The following GATA6 variants were observed in gnomAD, a reference collection of about 807,000 sequenced individuals.
The protein encoded by GATA6 is transcription factor GATA-6.
GATA6 carries 11 observed loss-of-function variants against 48.1 expected under a neutral mutation model. The ratio of observed to expected loss-of-function variants is 0.23; its 90% CI spans 0.14 to 0.38. GATA6 has a LOEUF of 0.38. GATA6 is among the 10% of genes least tolerant of loss of function. The pLI is 1.00. For synonymous variants in GATA6, 419 were observed against 396.1 expected, an observed-to-expected ratio of 1.06 and a Z score of -0.69; for missense variants, 795 against 850.3, an observed-to-expected ratio of 0.93 and a Z score of 0.81.
At chr18:22,176,727 C>G (rs757833552) in intron 2 of GATA6, 10 of 519,058 alleles carry the variant, frequency 1.9e-5, no homozygotes, top group Non-Finnish European at 3.0e-5. Flanking sequence ...CCCGGAGTCT[C>G]TACTGGGGCG....
rs1458044927 is a variant in GATA6, at chr18:22,171,788, ACGCGGGCGG to A, written c.653_661del (p.Gly218_Gly220del). 1.5e-6 allele frequency: 2 copies of A among 1,316,692 alleles called. No individual in the cohort carries two copies. Among genetic ancestry groups the A allele is most frequent in the East Asian group, 6.4e-5 (2 of 31,366 alleles). 81.6% of individuals were successfully genotyped at this position (1,316,692 alleles called of 1,614,324 possible). On this transcript the variant is annotated inframe_deletion, in exon 2 of 7. Transcript: ENST00000269216. This position sits in a 1 kb window ranked among gnomAD's most constrained non-coding sequence, Gnocchi z 7.1. Reference sequence around the variant, plus strand: ...GGGTCGGGCAGTGGGCCAGCCAACCACGCGGGCGGCGCGGGCGCGCACCCCGGCTGGCCT... The same window carrying A: ...GGGTCGGGCAGTGGGCCAGCCAACCACGCGGGCGCGCACCCCGGCTGGCCT...
intron 6 of GATA6, among the ~76,000 whole-genome samples, chr18:22,190,393 A>G (rs993914488): frequency 2.0e-5 from 3 of 152,234 alleles, no homozygotes; most frequent in African/African-American, 7.2e-5. Context: ...TGCGATTTAA[A>G]TCCATACACA....
intron 6 of GATA6, among the ~76,000 whole-genome samples, chr18:22,198,544 G>A (rs1403155028): frequency 1.3e-5 from 2 of 152,238 alleles, no homozygotes; most frequent in African/African-American, 2.4e-5. Flanking sequence ...ATATGCTGAT[G>A]TGCCTGTTTT....
At position 22,171,304 on chromosome 18, in the gene GATA6, C is replaced by G. The variant is rs769197296; in HGVS notation, c.160C>G (p.Pro54Ala). Reference protein sequence around the residue: ...SSCSRGGERGPGGASNCGTPQ... With the variant: ...SSCSRGGERGAGGASNCGTPQ... ...CTGCTCCCGGGGCGGAGAGCGGGGC[C>G]CCGGCGGCGCCAGCAACTGCGGGAC... is the stretch of plus-strand genomic sequence containing the variant. The change falls in exon 2 of 7, where the codon CCC becomes GCC. Residue 54 changes from proline to alanine, a missense_variant. By Grantham distance (27) the Pro-to-Ala change is conservative (BLOSUM62 -1). This residue lies in a region of GATA6 where 591 missense variants were observed against 570.0 expected (regional missense o/e 1.04). Coordinates refer to ENST00000269216, the MANE Select transcript of GATA6 (RefSeq NM_005257.6). The surrounding 1 kb of genome is among the most constrained non-coding windows in gnomAD (Gnocchi z 7.1). The G allele has an allele frequency of 1.3e-5, 20 of 1,590,870 alleles. No homozygotes were observed. In the East Asian group the frequency reaches 4.5e-4, roughly 36 times the overall value.
In GATA6 at chr18:22,176,972, T is replaced by A. The variant is rs1199293846; in HGVS notation, c.1153T>A (p.Ser385Thr). 6.4e-7 allele frequency: 1 copy of A among 1,561,764 alleles called. No homozygotes were observed. Among genetic ancestry groups the A allele is most frequent in the East Asian group, 2.4e-5 (1 of 41,914 alleles). Reference sequence around the variant, plus strand: ...CGCCGCAGACCTGCTGGAGGACCTGTCCGAGAGCCGCGAGTGCGTGAACTG... The same window carrying A: ...CGCCGCAGACCTGCTGGAGGACCTGACCGAGAGCCGCGAGTGCGTGAACTG... ...GPSADLLEDL[S>T]ESRECVNCGS... The change falls in exon 3 of 7, where the codon TCC becomes ACC. Residue 385 changes from serine to threonine, a missense_variant. Ser to Thr is a moderately conservative substitution (Grantham distance 58). Coordinates refer to ENST00000269216, the MANE Select transcript of GATA6 (RefSeq NM_005257.6).
rs763911344 is a variant in GATA6 at position 22,177,157 on chromosome 18, G to C, written c.1302+36G>C. The C allele has an allele frequency of 6.6e-6, 10 of 1,525,940 alleles. No homozygotes were observed. The South Asian group carries it at 1.1e-4, about 17-fold the overall frequency. The allele number at this position is 1,525,940 out of a possible 1,614,324, so 94.5% of individuals were successfully genotyped here. A position where few individuals can be genotyped will look rare whatever the true frequency, so the allele number is the denominator to read the frequency against. On this transcript the variant is annotated intron_variant, in intron 3 of 6. Coordinates refer to ENST00000269216, the MANE Select transcript of GATA6 (RefSeq NM_005257.6). ...CCCGCCCTGCCCCTGGCTCGCGGCC[G>C]GCCCCGGGCTCTCCTGGCCCGGCCG... is the stretch of plus-strand genomic sequence containing the variant.
Position 22,200,906 on chromosome 18 carries a change from T to C in GATA6, c.*83T>C, listed in dbSNP as rs369787804. ...TGCTTTTGTGCAGCGGTCCAGACAG[T>C]GGCGACTGCGCTGACAGAACGTGAT... On this transcript the variant is annotated 3_prime_UTR_variant, in exon 7 of 7. Coordinates refer to ENST00000269216, the MANE Select transcript of GATA6 (RefSeq NM_005257.6). 4.1e-5 allele frequency: 56 copies of C among 1,381,310 alleles called. 1 individual carries two copies. In the East Asian group the frequency reaches 8.2e-4, roughly 20 times the overall value. 85.6% of individuals were successfully genotyped at this position (1,381,310 alleles called of 1,614,324 possible).
At chr18:22,181,066 A>G (rs1355238366) in intron 3 of GATA6, among the ~76,000 whole-genome samples, 1 of 152,166 alleles carries the variant, frequency 6.6e-6, no homozygotes, top group Non-Finnish European at 1.5e-5. Flanking sequence ...AATTCCCCTA[A>G]AAAAGATACC....
At chr18:22,198,062 TTC>T (rs1186397099) in intron 6 of GATA6, among the ~76,000 whole-genome samples, 1 of 135,916 alleles carries the variant, frequency 7.4e-6, no homozygotes, top group African/African-American at 3.0e-5. Context: ...TCTTTTTTTC[TTC>T]TCTTTCTTTC....
chr18:22,197,621 T>C (rs1458522048), intron 6 of GATA6, among the ~76,000 whole-genome samples: 1 of 152,218 alleles, frequency 6.6e-6, no homozygotes, highest in African/African-American at 2.4e-5. Context: ...TTACGGAATG[T>C]TTAACATGGC....
At position 22,171,909 on chromosome 18, in the gene GATA6, C is replaced by A. The variant is rs926270539; in HGVS notation, c.765C>A (p.Ala255=). 4 of 1,164,392 alleles carry A rather than the reference C, an allele frequency of 3.4e-6. No individual in the cohort carries two copies. The African/African-American group carries it at 6.5e-5, about 19-fold the overall frequency. 72.1% of individuals were successfully genotyped at this position (1,164,392 alleles called of 1,614,324 possible). A position where few individuals can be genotyped will look rare whatever the true frequency, so the allele number is the denominator to read the frequency against. Reference sequence around the variant, plus strand: ...CGGGGCCTGGCGGCGCTGGCTCAGCCGCGGCGCACGTCTCGGCGCGCTTCC... The same window carrying A: ...CGGGGCCTGGCGGCGCTGGCTCAGCAGCGGCGCACGTCTCGGCGCGCTTCC... The part of the protein sequence containing the change: ...GAAGPGGAGS[A]AAHVSARFPY... The change falls in exon 2 of 7, where the codon GCC becomes GCA. Residue 255 remains alanine (A), a synonymous_variant. Transcript: ENST00000269216. The surrounding 1 kb of genome is among the most constrained non-coding windows in gnomAD (Gnocchi z 7.1).
At chr18:22,190,277 T>C (rs1156647886) in intron 6 of GATA6, among the ~76,000 whole-genome samples, 1 of 151,098 alleles carries the variant, frequency 6.6e-6, no homozygotes, top group Non-Finnish European at 1.5e-5. Flanking sequence ...AACATTAAGT[T>C]AAAAAAAAAG....
At chr18:22,197,794 CTCCTTCTCA>C (rs146478539) in intron 6 of GATA6, among the ~76,000 whole-genome samples, 4,589 of 152,276 alleles carry the variant, frequency 0.03, 207 homozygotes, top group East Asian at 0.2. Flanking sequence ...GCTGCTTCCC[CTCCTTCTCA>C]TACTCCTGTG....
chr18:22,183,954 A>T lies in GATA6; in HGVS notation c.1620+911A>T, dbSNP rs1461627046. On this transcript the variant is annotated intron_variant, in intron 6 of 6. Coordinates refer to ENST00000269216, the MANE Select transcript of GATA6 (RefSeq NM_005257.6). ...CATTTAAATGCCTATTTACTTAGTA[A>T]TTGTTTTCTACATTTAGTTTTCTCC... Among the ~76,000 whole-genome samples the T allele has an allele frequency of 2.6e-5, 4 of 152,322 alleles. No individual in the cohort carries two copies. The East Asian group carries it at 5.8e-4, about 22-fold the overall frequency.
At chr18:22,182,107 A>T (rs2033204541) in intron 4 of GATA6, among the ~76,000 whole-genome samples, 1 of 152,240 alleles carries the variant, frequency 6.6e-6, no homozygotes. Flanking sequence ...TCAATCTTAA[A>T]AAGAAAAATA....
intron 6 of GATA6, among the ~76,000 whole-genome samples, chr18:22,189,452 C>T (rs1202909837): frequency 2.6e-5 from 4 of 152,148 alleles, no homozygotes; most frequent in Admixed American, 6.5e-5. Flanking sequence ...AGCAGATTTA[C>T]ACTCCACTGT....
rs1294423944 is a variant in GATA6, at chr18:22,170,182, C to T, written c.-38+500C>T. ...GGCTCTGGGGCGGTCTCACGCTCCC[C>T]CCTCCCCAGCCCGTTGCGTTCCCCC... On this transcript the variant is annotated intron_variant, in intron 1 of 6. Transcript: ENST00000269216. This position sits in a 1 kb window ranked among gnomAD's most constrained non-coding sequence, Gnocchi z 6.7. Among the ~76,000 whole-genome samples, 1 of 152,198 alleles carries T rather than the reference C, an allele frequency of 6.6e-6. No homozygotes were observed. Among genetic ancestry groups the T allele is most frequent in the Non-Finnish European group, 1.5e-5 (1 of 68,032 alleles).
Position 22,171,981 on chromosome 18 carries a change from G to C in GATA6, c.837G>C (p.Pro279=). The C allele has an allele frequency of 1.6e-6, 2 of 1,219,994 alleles. No homozygotes were observed. The highest frequency in any genetic ancestry group is 2.0e-6 in the Non-Finnish European group (2 of 981,458). 75.6% of individuals were successfully genotyped at this position (1,219,994 alleles called of 1,614,324 possible). The change falls in exon 2 of 7, where the codon CCG becomes CCC. Residue 279 remains proline, a synonymous_variant. Transcript: ENST00000269216. This position sits in a 1 kb window ranked among gnomAD's most constrained non-coding sequence, Gnocchi z 7.1. ...PPMANGAARE[P]GGYAAAGSGG... ...TGGCCAACGGCGCCGCGCGGGAGCC[G>C]GGAGGCTACGCGGCGGCGGGCAGTG...
At chr18:22,179,783 T>C (rs1175141480) in intron 3 of GATA6, among the ~76,000 whole-genome samples, 2 of 152,244 alleles carry the variant, frequency 1.3e-5, no homozygotes, top group African/African-American at 4.8e-5. Context: ...CCAAGCATAC[T>C]CATTTCAACT....
Sources: allele counts gnomAD v4.1 joint callset (sites outside exome capture counted in the v4.1 genomes callset), GRCh38; gene constraint gnomAD v4.1.1; regional missense constraint gnomAD v4.1.1; non-coding constraint Gnocchi (gnomAD v3.1); transcripts MANE v1.5; gene names NCBI Gene and HGNC (gene_info 2026-07-23, HGNC 2026-07-21).